NBAS: variants seen among roughly 807,000 people sequenced by gnomAD.
NBAS encodes the protein NBAS subunit of NRZ tethering complex.
Under a neutral mutation model 302.5 loss-of-function variants are expected in NBAS, and 219 were observed. The ratio of observed to expected loss-of-function variants is 0.72; its 90% CI spans 0.65 to 0.81. The LOEUF is 0.81. Ranked by LOEUF, NBAS falls within the 30% of genes least tolerant of loss-of-function variation. The probability of loss-of-function intolerance (pLI) is 0.00; values close to 1 mark genes in which losing one functional copy is unlikely to be tolerated. For missense variants in NBAS, 2,932 were observed against 2,841.6 expected, an observed-to-expected ratio of 1.03 and a Z score of -0.72; for synonymous variants, 1,118 against 1,021.6, an observed-to-expected ratio of 1.09 and a Z score of -1.80.
intron 35 of NBAS, among the ~76,000 whole-genome samples, chr2:15,348,980 A>T (rs1451739423): frequency 6.6e-6 from 1 of 152,210 alleles, no homozygotes; most frequent in Non-Finnish European, 1.5e-5. Context: ...AATACTTCAT[A>T]TGGAAGGGAT....
chr2:15,374,794 T>A, intron 30 of NBAS, 74 bp from the exon 31 acceptor site: 1 of 1,228,424 alleles, frequency 8.1e-7, no homozygotes, highest in Non-Finnish European at 1.2e-6. Context: ...CCATGAGATC[T>A]AACACATATT....
At chr2:15,509,092 T>G (rs1254516128) in intron 10 of NBAS, among the ~76,000 whole-genome samples, 1 of 152,166 alleles carries the variant, frequency 6.6e-6, no homozygotes, top group Admixed American at 6.5e-5. Flanking sequence ...ACAGCTAAAT[T>G]CCTACAGATA....
rs373236747 is a variant in NBAS, at chr2:15,389,652, C to T, written c.3257+4575G>A. ...ATGTTCACATTCAGAAAAGATTAAGCAAAAGGAAATGAATTAAATCTCCAG... is the reference window on the plus strand; with the variant it reads ...ATGTTCACATTCAGAAAAGATTAAGTAAAAGGAAATGAATTAAATCTCCAG... On this transcript the variant is annotated intron_variant, in intron 28 of 51. Transcript: ENST00000281513. Among the ~76,000 whole-genome samples the T allele has an allele frequency of 4.6e-5, 7 of 152,122 alleles. No individual in the cohort carries two copies. The East Asian group carries it at 9.7e-4, about 21-fold the overall frequency.
chr2:15,462,286 C>T (rs746022319), intron 19 of NBAS, among the ~76,000 whole-genome samples: 27 of 152,156 alleles, frequency 1.8e-4, no homozygotes, highest in Non-Finnish European at 4.0e-4. Context: ...TTCCCACCCT[C>T]TAATGTGCTT....
chr2:15,083,559 T>C, the NBAS span, among the ~76,000 whole-genome samples: 1 of 152,250 alleles, frequency 6.6e-6, no homozygotes, highest in Non-Finnish European at 1.5e-5. Flanking sequence ...TGCATTTTTA[T>C]TCCATCTCAG....
the NBAS span, among the ~76,000 whole-genome samples, chr2:15,099,941 AG>A: frequency 6.6e-6 from 1 of 152,218 alleles, no homozygotes; most frequent in Non-Finnish European, 1.5e-5. Flanking sequence ...GGGGAAATCT[AG>A]GGGGAAAATG....
chr2:14,880,754 A>G, the NBAS span, among the ~76,000 whole-genome samples: 2 of 152,164 alleles, frequency 1.3e-5, no homozygotes, highest in Middle Eastern at 6.8e-3. Flanking sequence ...CAGAACTAAT[A>G]TTTAATCCAA....
chr2:14,939,503 G>C, the NBAS span, among the ~76,000 whole-genome samples: 20 of 152,186 alleles, frequency 1.3e-4, no homozygotes, highest in African/African-American at 4.8e-4. Flanking sequence ...TGTTTGAAAG[G>C]GTTGTAATAA....
rs149815820 is a variant in NBAS at position 15,540,053 on chromosome 2, A to G, written c.380-697T>C. ...AGAGAAAGGCTATCAGCTGCAAAAGAAGAAAAAGAGGATGTGAAACTCTAT... is the reference window on the plus strand; with the variant it reads ...AGAGAAAGGCTATCAGCTGCAAAAGGAGAAAAAGAGGATGTGAAACTCTAT... On this transcript the variant is annotated intron_variant, in intron 6 of 51. Coordinates refer to ENST00000281513, the MANE Select transcript of NBAS (RefSeq NM_015909.4). Among the ~76,000 whole-genome samples the G allele has an allele frequency of 5.8e-4, 89 of 152,350 alleles. 1 individual carries two copies. Among genetic ancestry groups the G allele is most frequent in the African/African-American group, 2.1e-3 (86 of 41,584 alleles).
At chr2:14,792,656 G>A in the NBAS span, among the ~76,000 whole-genome samples, 2 of 151,200 alleles carry the variant, frequency 1.3e-5, no homozygotes, top group Non-Finnish European at 2.9e-5. Context: ...TAGTTACTAG[G>A]GTAACTACCT....
At chr2:15,228,313 T>C (rs967592546) in intron 47 of NBAS, among the ~76,000 whole-genome samples, 2 of 152,128 alleles carry the variant, frequency 1.3e-5, no homozygotes, top group African/African-American at 4.8e-5. Flanking sequence ...TGAGTTTTCA[T>C]TTTCCCCGAG....
At chr2:14,809,339 T>C in the NBAS span, among the ~76,000 whole-genome samples, 1 of 152,272 alleles carries the variant, frequency 6.6e-6, no homozygotes, top group South Asian at 2.1e-4. Flanking sequence ...GGTCTGTGGG[T>C]TGGGCCCAAG....
chr2:15,314,365 C>T (rs1671414946), intron 38 of NBAS, among the ~76,000 whole-genome samples: 1 of 152,030 alleles, frequency 6.6e-6, no homozygotes, highest in Non-Finnish European at 1.5e-5. Flanking sequence ...CATCACAAAA[C>T]AAACAAATAA....
chr2:15,494,142 AAAGT>A (rs1255030184), intron 11 of NBAS, among the ~76,000 whole-genome samples: 1 of 152,150 alleles, frequency 6.6e-6, no homozygotes, highest in East Asian at 1.9e-4. Flanking sequence ...CACTTTGGTT[AAAGT>A]AAGTCTTAAA....
At chr2:15,328,488 A>AT in intron 36 of NBAS, among the ~76,000 whole-genome samples, 176 bp from the exon 37 acceptor site, 1 of 152,328 alleles carries the variant, frequency 6.6e-6, no homozygotes, top group South Asian at 2.1e-4. Context: ...AGTCACACAC[A>AT]TATCCGGCAG....
At chr2:14,895,116 A>G in the NBAS span, among the ~76,000 whole-genome samples, 1 of 151,956 alleles carries the variant, frequency 6.6e-6, no homozygotes. Context: ...TAAATACCAG[A>G]AGCTCACAAA....
At chr2:15,400,787 A>T (rs1025742202) in intron 26 of NBAS, among the ~76,000 whole-genome samples, 2 of 152,148 alleles carry the variant, frequency 1.3e-5, no homozygotes, top group Admixed American at 1.3e-4. Context: ...GTGCCTCCCC[A>T]CGGCCCCACA....
At chr2:15,333,210 G>C (rs1672430468) in intron 35 of NBAS, among the ~76,000 whole-genome samples, 1 of 152,142 alleles carries the variant, frequency 6.6e-6, no homozygotes, top group Non-Finnish European at 1.5e-5. Context: ...CAGAGAACTG[G>C]TGAAAATGAT....
intron 44 of NBAS, among the ~76,000 whole-genome samples, chr2:15,240,171 T>C (rs1339050959): frequency 6.6e-6 from 1 of 152,024 alleles, no homozygotes; most frequent in Non-Finnish European, 1.5e-5. Flanking sequence ...TTTTTCTACT[T>C]CCTAAAAGCA....
Sources: allele counts gnomAD v4.1 joint callset (sites outside exome capture counted in the v4.1 genomes callset), GRCh38; gene constraint gnomAD v4.1.1; transcripts MANE v1.5; gene names NCBI Gene and HGNC (gene_info 2026-07-23, HGNC 2026-07-21).